The following TRIOBP variants were observed in gnomAD, a reference collection of about 807,000 sequenced individuals.
The protein encoded by TRIOBP is TRIO and F-actin-binding protein.
Under a neutral mutation model 238.8 loss-of-function variants are expected in TRIOBP, and 169 were observed. The ratio of observed to expected loss-of-function variants is 0.71; its 90% CI spans 0.62 to 0.80. The LOEUF is 0.80. Among genes scored for constraint, TRIOBP ranks in the 30% least tolerant of loss-of-function variants. TRIOBP has a pLI of 0.00. For synonymous variants in TRIOBP, 1,150 were observed against 1,274.4 expected (o/e 0.90, Z 2.08); for missense variants, 2,838 against 3,122.6 (o/e 0.91, Z 2.17).
chr22:37,746,331 G>A lies in TRIOBP; in HGVS notation c.5322+5299G>A, dbSNP rs1213066700. On this transcript the variant is annotated intron_variant, in intron 11 of 23. Transcript: ENST00000644935. ...CGAGAGGGGCGGCGGCGGCGGCGGCGGCGGGGTTCCCGCGCCGCGGAGCCC... is the reference window on the plus strand; with the variant it reads ...CGAGAGGGGCGGCGGCGGCGGCGGCAGCGGGGTTCCCGCGCCGCGGAGCCC... 5.8e-5 allele frequency: 67 copies of A among 1,158,124 alleles called. 1 individual carries two copies. Among genetic ancestry groups the A allele is most frequent in the Admixed American group, 4.7e-4 (10 of 21,142 alleles). 71.7% of individuals were successfully genotyped at this position (1,158,124 alleles called of 1,614,324 possible).
At chr22:37,742,465 G>A (rs1924985535) in intron 11 of TRIOBP, among the ~76,000 whole-genome samples, 1 of 151,996 alleles carries the variant, frequency 6.6e-6, no homozygotes, top group African/African-American at 2.4e-5. Context: ...GTTTCACCAC[G>A]TTGGCCAGGC....
chr22:37,753,423 C>T (rs1369122039), intron 12 of TRIOBP, among the ~76,000 whole-genome samples: 4 of 152,266 alleles, frequency 2.6e-5, no homozygotes, highest in Non-Finnish European at 5.9e-5. Flanking sequence ...TACAGGCATG[C>T]GCCACCATGC....
intron 17 of TRIOBP, among the ~76,000 whole-genome samples, chr22:37,765,058 A>G (rs1230523845): frequency 6.6e-6 from 1 of 152,202 alleles, no homozygotes; most frequent in Non-Finnish European, 1.5e-5. Flanking sequence ...CAAGGCCGGC[A>G]GATCACAAGG....
At chr22:37,759,030 C>T (rs1169069863) in intron 16 of TRIOBP, 124 bp from the exon 17 acceptor site, 5 of 816,478 alleles carry the variant, frequency 6.1e-6, no homozygotes, top group Non-Finnish European at 8.1e-6. Context: ...CTGAGGCATT[C>T]CTAAGCCTTC....
Position 37,726,044 on chromosome 22 carries a change from C to G in TRIOBP, c.3488C>G (p.Pro1163Arg), listed in dbSNP as rs1000398077. The change falls in exon 7 of 24, where the codon CCT becomes CGT. Residue 1163 changes from proline to arginine, a missense_variant. Coordinates refer to ENST00000644935, the MANE Select transcript of TRIOBP (RefSeq NM_001039141.3). ...CACGAGTGCCCCCACATCCCCACCCCTGTGTGCATTGGGCACCGGGATGCA... is the reference window on the plus strand; with the variant it reads ...CACGAGTGCCCCCACATCCCCACCCGTGTGTGCATTGGGCACCGGGATGCA... ...SLHECPHIPT[P>R]VCIGHRDAPS... is the part of the protein sequence containing the mutation. The G allele has an allele frequency of 3.1e-6, 5 of 1,611,834 alleles. No individual in the cohort carries two copies. Among genetic ancestry groups the G allele is most frequent in the Non-Finnish European group, 4.2e-6 (5 of 1,179,170 alleles).
intron 5 of TRIOBP, among the ~76,000 whole-genome samples, chr22:37,714,411 G>A (rs924375768): frequency 6.6e-6 from 1 of 152,244 alleles, no homozygotes; most frequent in South Asian, 2.1e-4. Flanking sequence ...GCTCACGCCT[G>A]TAATCCCAGC....
intron 17 of TRIOBP, 61 bp from the exon 18 acceptor site, chr22:37,765,609 G>C: frequency 6.5e-7 from 1 of 1,546,102 alleles, no homozygotes; most frequent in South Asian, 1.2e-5. Flanking sequence ...CTGGAGGCTG[G>C]GGAAGGGCCG....
Position 37,772,546 on chromosome 22 carries a change from T to G in TRIOBP, c.6937-55T>G. 3 of 1,612,540 alleles carry G rather than the reference T, an allele frequency of 1.9e-6. No homozygotes were observed. In the South Asian group the frequency reaches 3.3e-5, roughly 18 times the overall value. ...TGCTGGTGCTGCCCATGTGCCCGGTTGGCAGGGCTGGAGGGAGAGACTTCA... is the reference window on the plus strand; with the variant it reads ...TGCTGGTGCTGCCCATGTGCCCGGTGGGCAGGGCTGGAGGGAGAGACTTCA... On this transcript the variant is annotated intron_variant, in intron 22 of 23. Transcript: ENST00000644935.
Position 37,724,417 on chromosome 22 carries a change from CGA to C in TRIOBP, c.1864_1865del (p.Asp622Ter). On this transcript the variant is annotated frameshift_variant, in exon 7 of 24. Coordinates refer to ENST00000644935, the MANE Select transcript of TRIOBP (RefSeq NM_001039141.3). LOFTEE classifies it high-confidence loss of function. The stretch of plus-strand genomic sequence containing the variant: ...AACCTCCTCTCCCAATAGAGCCACA[CGA>C]GATAACCCCAGAACATCCTGTGCCC... ...SRTSSPNRAT[R>X]DNPRTSCAQR... 1 of 1,509,368 alleles carries C rather than the reference CGA, an allele frequency of 6.6e-7. No homozygotes were observed. Among genetic ancestry groups the C allele is most frequent in the East Asian group, 2.6e-5 (1 of 38,910 alleles). The allele number at this position is 1,509,368 out of a possible 1,614,324, so 93.5% of individuals were successfully genotyped here.
chr22:37,713,345 C>T lies in TRIOBP; in HGVS notation c.390C>T (p.Pro130=), dbSNP rs966216715. The change falls in exon 5 of 24, where the codon CCC becomes CCT. Residue 130 remains proline, a synonymous_variant. Transcript: ENST00000644935. ...TGTGTGGCAGCTGCAACGAGGACCC[C>T]GGCTCTGACCCCACCTCCAGCCCTG... is the stretch of plus-strand genomic sequence containing the variant. ...TSLCGSCNED[P]GSDPTSSPDS... 18 of 1,613,860 alleles carry T rather than the reference C, an allele frequency of 1.1e-5. No individual in the cohort carries two copies. The highest frequency in any genetic ancestry group is 4.0e-5 in the African/African-American group (3 of 74,928).
intron 17 of TRIOBP, among the ~76,000 whole-genome samples, chr22:37,760,579 T>G (rs1301713981): frequency 6.6e-6 from 1 of 152,184 alleles, no homozygotes; most frequent in Non-Finnish European, 1.5e-5. Context: ...TAATTTAAAG[T>G]ATATAAATTT....
intron 19 of TRIOBP, 69 bp from the exon 20 acceptor site, chr22:37,768,957 TAC>T: frequency 6.2e-7 from 1 of 1,608,152 alleles, no homozygotes; most frequent in Non-Finnish European, 8.5e-7. Context: ...GCTTTAAGTC[TAC>T]CTGACTGGAC....
At chr22:37,717,070 G>A (rs904898957) in intron 6 of TRIOBP, among the ~76,000 whole-genome samples, 1 of 152,220 alleles carries the variant, frequency 6.6e-6, no homozygotes, top group African/African-American at 2.4e-5. Flanking sequence ...TCTGGAGTTT[G>A]TTCCTTCTGA....
chr22:37,752,306 ATTCT>A (rs1925657899), intron 12 of TRIOBP, among the ~76,000 whole-genome samples: 2 of 152,174 alleles, frequency 1.3e-5, no homozygotes, highest in African/African-American at 2.4e-5. Flanking sequence ...GATAATGGTG[ATTCT>A]TTCTAGAGTG....
chr22:37,701,406 A>G lies in TRIOBP; in HGVS notation c.41A>G (p.Glu14Gly), dbSNP rs1235885486. ...GGGGATGCCCTGTGTGAACACTTTG[A>G]GGCCAACATACTTACCCAGAACCGC... ...VPGDALCEHF[E>G]ANILTQNRCQ... Residue 14 changes from glutamate to glycine, a missense_variant, in exon 3 of 24, where the codon GAG becomes GGG. Glu to Gly is a moderately conservative substitution (Grantham distance 98). Transcript: ENST00000644935. 2 of 1,613,740 alleles carry G rather than the reference A, an allele frequency of 1.2e-6. No homozygotes were observed. Among genetic ancestry groups the G allele is most frequent in the Admixed American group, 3.3e-5 (2 of 59,950 alleles).
chr22:37,739,731 CACT>C (rs1241286467), intron 10 of TRIOBP, among the ~76,000 whole-genome samples: 1 of 152,198 alleles, frequency 6.6e-6, no homozygotes, highest in Non-Finnish European at 1.5e-5. Context: ...GGACAGGGGA[CACT>C]GGTCGCTAAA....
Position 37,734,928 on chromosome 22 carries a change from C to A in TRIOBP, c.4592C>A (p.Ser1531Tyr), listed in dbSNP as rs774004311. The A allele has an allele frequency of 6.2e-7, 1 of 1,613,364 alleles. No homozygotes were observed. The highest frequency in any genetic ancestry group is 1.1e-5 in the South Asian group (1 of 91,084). Reference protein sequence around the residue: ...GPAESSQSWHSGTPTAVGWGA... With the variant: ...GPAESSQSWHYGTPTAVGWGA... Reference sequence around the variant, plus strand: ...GCAGAGTCCTCACAATCCTGGCACTCTGGGACACCCACTGCTGTGGGCTGG... The same window carrying A: ...GCAGAGTCCTCACAATCCTGGCACTATGGGACACCCACTGCTGTGGGCTGG... The change falls in exon 9 of 24, where the codon TCT (serine) becomes TAT (tyrosine). Residue 1531 changes from serine to tyrosine, a missense_variant. Physicochemically the swap from Ser to Tyr is moderately radical, Grantham distance 144 (BLOSUM62 -2). This residue lies in a region of TRIOBP where 2,096 missense variants were observed against 2,137.4 expected (regional missense o/e 0.98). Coordinates refer to ENST00000644935, the MANE Select transcript of TRIOBP (RefSeq NM_001039141.3).
chr22:37,743,814 TGTG>T, intron 11 of TRIOBP, among the ~76,000 whole-genome samples: 1 of 115,228 alleles, frequency 8.7e-6, no homozygotes, highest in Non-Finnish European at 1.7e-5. Flanking sequence ...TGTGTGTGTG[TGTG>T]TGTGTGTGTG....
intron 5 of TRIOBP, 38 bp from the exon 6 acceptor site, chr22:37,715,725 C>G: frequency 6.2e-7 from 1 of 1,607,192 alleles, no homozygotes; most frequent in Non-Finnish European, 8.5e-7. Flanking sequence ...AGCCTTTTTT[C>G]TCCCGCAAAC....
Sources: allele counts gnomAD v4.1 joint callset (sites outside exome capture counted in the v4.1 genomes callset), GRCh38; gene constraint gnomAD v4.1.1; regional missense constraint gnomAD v4.1.1; transcripts MANE v1.5; gene names NCBI Gene and HGNC (gene_info 2026-07-23, HGNC 2026-07-21).